PCDH15: variants seen among roughly 807,000 people sequenced by gnomAD.
PCDH15 encodes protocadherin-15.
Under a neutral mutation model 178.5 loss-of-function variants are expected in PCDH15, and 129 were observed. The ratio of observed to expected loss-of-function variants is 0.72; its 90% confidence interval spans 0.63 to 0.84. The LOEUF (loss-of-function observed/expected upper bound fraction) is 0.84, where lower values mean the gene tolerates loss of function less well. PCDH15 is among the 40% of genes least tolerant of loss of function. PCDH15 has a pLI of 0.00. For missense variants in PCDH15, 2,230 were observed against 2,099.9 expected (o/e 1.06, Z -1.21); for synonymous variants, 800 against 732.0 (o/e 1.09, Z -1.50).
intron 2 of PCDH15, among the ~76,000 whole-genome samples, chr10:54,961,388 T>C (rs1230471993): frequency 1.3e-5 from 2 of 152,212 alleles, no homozygotes; most frequent in African/African-American, 4.8e-5. Context: ...GTGCTATGGA[T>C]GGCATGTTGA....
At chr10:54,168,853 C>A (rs2046548277) in intron 13 of PCDH15, among the ~76,000 whole-genome samples, 2 of 152,038 alleles carry the variant, frequency 1.3e-5, no homozygotes, top group South Asian at 2.1e-4. Flanking sequence ...TCAAACCCCA[C>A]AACAGGATTT....
intron 1 of PCDH15, among the ~76,000 whole-genome samples, chr10:54,739,372 G>A (rs999848804): frequency 1.6e-4 from 24 of 151,804 alleles, no homozygotes; most frequent in Admixed American, 7.2e-4. Flanking sequence ...AGCCAAAAAA[G>A]TGCAAGATCT....
chr10:55,166,594 T>G (rs1336546877), exon 2 of PCDH15: 1 of 152,168 alleles, frequency 6.6e-6, no homozygotes, highest in Non-Finnish European at 1.5e-5. Flanking sequence ...CGTGTCCTTT[T>G]GTCAACCTCT....
intron 2 of PCDH15, among the ~76,000 whole-genome samples, chr10:54,967,458 T>A: frequency 6.6e-6 from 1 of 152,052 alleles, no homozygotes; most frequent in East Asian, 1.9e-4. Flanking sequence ...ACAGTATTGA[T>A]TTTTTTATAA....
intron 3 of PCDH15, among the ~76,000 whole-genome samples, chr10:54,471,756 T>G (rs2077935207): frequency 6.6e-6 from 1 of 151,960 alleles, no homozygotes; most frequent in Non-Finnish European, 1.5e-5. Context: ...CTTCAAACAA[T>G]GAATCAAGTG....
At chr10:55,282,512 T>C (rs1456834518) in intron 1 of PCDH15, among the ~76,000 whole-genome samples, 17 of 152,194 alleles carry the variant, frequency 1.1e-4, no homozygotes, top group Admixed American at 1.0e-3. Flanking sequence ...TACACATATA[T>C]AAATTATCTT....
At chr10:55,366,922 C>CGTGTGTGTGT (rs34339947) in intron 2 of PCDH15, among the ~76,000 whole-genome samples, 2,951 of 150,178 alleles carry the variant, frequency 0.02, 46 homozygotes, top group African/African-American at 0.041. Flanking sequence ...CATTTGTTTG[C>CGTGTGTGTGT]GTGTGTGTGT....
intron 3 of PCDH15, among the ~76,000 whole-genome samples, chr10:54,824,619 A>G (rs1045542072): frequency 6.6e-6 from 1 of 152,152 alleles, no homozygotes; most frequent in Non-Finnish European, 1.5e-5. Flanking sequence ...AACATGGTAG[A>G]TGAAGTTCTG....
chr10:54,621,435 C>T (rs1221960947), intron 2 of PCDH15, among the ~76,000 whole-genome samples: 33 of 151,888 alleles, frequency 2.2e-4, no homozygotes, highest in Admixed American at 2.0e-3. Flanking sequence ...ACTAAGTTTA[C>T]TAAAACCACC....
chr10:54,321,197 T>TATTC (rs2061582879), intron 7 of PCDH15, among the ~76,000 whole-genome samples: 1 of 149,090 alleles, frequency 6.7e-6, no homozygotes, highest in Non-Finnish European at 1.5e-5. Context: ...TTTATTTATT[T>TATTC]ATTTATTTAT....
chr10:54,214,680 C>G (rs1448678940), intron 9 of PCDH15, among the ~76,000 whole-genome samples: 2 of 152,146 alleles, frequency 1.3e-5, no homozygotes, highest in Non-Finnish European at 2.9e-5. Flanking sequence ...AATCCTCTGC[C>G]TTCCCGGTTC....
chr10:55,037,185 C>G (rs1840756359), intron 2 of PCDH15, among the ~76,000 whole-genome samples: 1 of 152,086 alleles, frequency 6.6e-6, no homozygotes, highest in Admixed American at 6.6e-5. Context: ...CATAAAGGAT[C>G]TGATCTTTTC....
intron 2 of PCDH15, among the ~76,000 whole-genome samples, chr10:54,642,664 T>C (rs1343259579): frequency 6.6e-6 from 1 of 152,234 alleles, no homozygotes; most frequent in Admixed American, 6.5e-5. Flanking sequence ...ATTATGACTA[T>C]TCCATACCCC....
At chr10:54,664,368 AG>A in intron 1 of PCDH15, 78 bp from the exon 2 acceptor site, 1 of 919,668 alleles carries the variant, frequency 1.1e-6, no homozygotes, top group Non-Finnish European at 1.7e-6. Context: ...GTCACAGCAC[AG>A]AAAAGCCTTA....
chr10:54,982,185 T>C (rs1259082048), intron 2 of PCDH15, among the ~76,000 whole-genome samples: 2 of 152,122 alleles, frequency 1.3e-5, no homozygotes, highest in Non-Finnish European at 2.9e-5. Flanking sequence ...TAAAGAGACG[T>C]AAAGTGATGA....
chr10:55,178,385 A>G (rs1839553157), intron 1 of PCDH15, among the ~76,000 whole-genome samples: 1 of 152,152 alleles, frequency 6.6e-6, no homozygotes, highest in South Asian at 2.1e-4. Flanking sequence ...CCTCTTGGGA[A>G]TACACCTTTC....
At chr10:55,219,154 T>G (rs947986736) in intron 1 of PCDH15, among the ~76,000 whole-genome samples, 2 of 151,950 alleles carry the variant, frequency 1.3e-5, no homozygotes, top group African/African-American at 4.8e-5. Flanking sequence ...CTCAGTATGT[T>G]TCACCCTGTC....
chr10:53,973,248 A>G (rs2089902866), intron 21 of PCDH15, among the ~76,000 whole-genome samples: 1 of 140,404 alleles, frequency 7.1e-6, no homozygotes, highest in Non-Finnish European at 1.5e-5. Flanking sequence ...CAATGAGAAC[A>G]CTTGGACACA....
intron 1 of PCDH15, among the ~76,000 whole-genome samples, chr10:54,785,746 A>G (rs1950805123): frequency 6.6e-6 from 1 of 152,046 alleles, no homozygotes; most frequent in Non-Finnish European, 1.5e-5. Flanking sequence ...AAATTCTGCC[A>G]TCAGAGCTAA....
Sources: gnomAD v4.1 joint callset for allele counts (sites outside exome capture counted in the v4.1 genomes callset) on GRCh38, gnomAD v4.1.1 for gene constraint, MANE v1.5 for transcripts, NCBI Gene and HGNC (gene_info 2026-07-23, HGNC 2026-07-21) for gene names.